Variants in N4BP1 observed in about 807,000 individuals in gnomAD.
N4BP1 encodes the protein NEDD4-binding protein 1.
Under a neutral mutation model 70.9 loss-of-function variants are expected in N4BP1, and 21 were observed. That is an observed-to-expected ratio of 0.30 (90% confidence interval 0.21 to 0.43). The LOEUF is 0.43. N4BP1 is among the 20% of genes least tolerant of loss of function. The pLI, the probability that N4BP1 is intolerant of heterozygous loss-of-function variation, is 1.00. For missense variants in N4BP1, 936 were observed against 1,069.4 expected (o/e 0.88, Z 1.74); for synonymous variants, 387 against 394.6 (o/e 0.98, Z 0.23).
intron 1 of N4BP1, 53 bp downstream of exon 1, chr16:48,609,722 G>A (rs1964648659): frequency 1.6e-6 from 2 of 1,250,118 alleles, no homozygotes; most frequent in Non-Finnish European, 2.0e-6. Flanking sequence ...CGGGAGCCCG[G>A]AGACCCGGAC....
chr16:48,572,180 T>C (rs7198773), intron 1 of N4BP1, among the ~76,000 whole-genome samples: 61,074 of 151,728 alleles, frequency 0.4, 13,206 homozygotes, highest in African/African-American at 0.56. Flanking sequence ...GCCAAGGTGA[T>C]AGGGTGAGAC....
At chr16:48,566,155 C>T (rs1963940825) in intron 1 of N4BP1, among the ~76,000 whole-genome samples, 1 of 151,948 alleles carries the variant, frequency 6.6e-6, no homozygotes, top group African/African-American at 2.4e-5. Context: ...TGGGCTTATT[C>T]TGCTCTTCTT....
In N4BP1 at chr16:48,607,485, C is replaced by T. The variant is rs1356023848; in HGVS notation, c.198+2290G>A. Among the ~76,000 whole-genome samples the T allele has an allele frequency of 5.3e-5, 8 of 152,228 alleles. No individual in the cohort carries two copies. The East Asian group carries it at 1.2e-3, about 22-fold the overall frequency. ...GCTGAATGAGACAGGTGACAGGAGG[C>T]TCTAGTAGGTTCCAGGGCAGGAGAA... On this transcript the variant is annotated intron_variant, in intron 1 of 6. Coordinates refer to ENST00000262384, the MANE Select transcript of N4BP1 (RefSeq NM_153029.4).
At chr16:48,591,612 T>C (rs974434280) in intron 1 of N4BP1, among the ~76,000 whole-genome samples, 2 of 148,608 alleles carry the variant, frequency 1.3e-5, no homozygotes, top group African/African-American at 5.0e-5. Context: ...ATCCAAGCTC[T>C]ATTATTTTAA....
At chr16:48,575,956 GA>G (rs1489005450) in intron 1 of N4BP1, among the ~76,000 whole-genome samples, 1 of 151,974 alleles carries the variant, frequency 6.6e-6, no homozygotes, top group Non-Finnish European at 1.5e-5. Flanking sequence ...CACATGCAAG[GA>G]AACTCAAAAT....
chr16:48,586,615 G>A (rs1033937485), intron 1 of N4BP1, among the ~76,000 whole-genome samples: 1 of 152,172 alleles, frequency 6.6e-6, no homozygotes, highest in Admixed American at 6.5e-5. Context: ...GTATCAGCCA[G>A]TAATTTATCC....
chr16:48,609,855 C>G lies in N4BP1; in HGVS notation c.118G>C (p.Ala40Pro). 1 of 1,490,310 alleles carries G rather than the reference C, an allele frequency of 6.7e-7. No individual in the cohort carries two copies. The highest frequency in any genetic ancestry group is 8.9e-7 in the Non-Finnish European group (1 of 1,124,544). 92.3% of individuals were successfully genotyped at this position (1,490,310 alleles called of 1,614,324 possible). A position where few individuals can be genotyped will look rare whatever the true frequency, so the allele number is the denominator to read the frequency against. ...LFGVSLAVLGALGAEEPLPAR... is the reference protein window; with the variant it reads ...LFGVSLAVLGPLGAEEPLPAR... ...GGCAGCGGCTCCTCAGCCCCTAGCGCGCCGAGCACGGCTAGGCTCACGCCA... is the reference window on the plus strand; with the variant it reads ...GGCAGCGGCTCCTCAGCCCCTAGCGGGCCGAGCACGGCTAGGCTCACGCCA... Residue 40 changes from alanine (A) to proline (P), a missense_variant, in exon 1 of 7, where the codon GCG becomes CCG. Around this residue, in one of 4 missense-constraint regions of N4BP1, gnomAD observed 187 missense variants for 217.1 expected, o/e 0.86. Coordinates refer to ENST00000262384, the MANE Select transcript of N4BP1 (RefSeq NM_153029.4).
intron 1 of N4BP1, chr16:48,603,847 T>C (rs570691251): frequency 6.6e-6 from 1 of 152,518 alleles, no homozygotes; most frequent in Admixed American, 6.5e-5. Flanking sequence ...CCCTTAATCC[T>C]TGCAGCTCAC....
intron 1 of N4BP1, among the ~76,000 whole-genome samples, chr16:48,591,555 A>T (rs1005694415): frequency 5.3e-5 from 8 of 152,080 alleles, no homozygotes; most frequent in African/African-American, 1.9e-4. Flanking sequence ...TTAAAAAAAA[A>T]TTTAAAAAGA....
chr16:48,546,789 G>A (rs1308819114), intron 5 of N4BP1, among the ~76,000 whole-genome samples: 2 of 152,236 alleles, frequency 1.3e-5, no homozygotes, highest in African/African-American at 2.4e-5. Flanking sequence ...AAGTGCCTGT[G>A]CTTGTTGTCC....
intron 1 of N4BP1, among the ~76,000 whole-genome samples, chr16:48,605,388 C>T (rs925000069): frequency 1.3e-5 from 2 of 152,188 alleles, no homozygotes; most frequent in African/African-American, 4.8e-5. Context: ...TCAACCTCAT[C>T]CCTTTCCACC....
chr16:48,596,915 A>G (rs1204474536), intron 1 of N4BP1, among the ~76,000 whole-genome samples: 1 of 152,158 alleles, frequency 6.6e-6, no homozygotes, highest in African/African-American at 2.4e-5. Context: ...AGTAGTTGAG[A>G]TATTTTGCAG....
chr16:48,568,044 C>G (rs770781648), intron 1 of N4BP1, among the ~76,000 whole-genome samples: 1 of 152,204 alleles, frequency 6.6e-6, no homozygotes, highest in Admixed American at 6.5e-5. Context: ...TAATCCTAAA[C>G]TGTTTACCTC....
chr16:48,561,475 T>G lies in N4BP1; in HGVS notation c.1168A>C (p.Arg390=). ...GAAAATTCTCTGTCTTCTTGGAATC[T>G]TTTATTTTCTTTTTCAATTTCCTCT... ...LLEEIEKENK[R]FQEDREFSAG... The change falls in exon 2 of 7, where the codon AGA becomes CGA. Residue 390 remains arginine (R), a synonymous_variant. Coordinates refer to ENST00000262384, the MANE Select transcript of N4BP1 (RefSeq NM_153029.4). 1 of 1,611,522 alleles carries G rather than the reference T, an allele frequency of 6.2e-7. No individual in the cohort carries two copies. Among genetic ancestry groups the G allele is most frequent in the Non-Finnish European group, 8.5e-7 (1 of 1,179,306 alleles).
chr16:48,588,778 G>A (rs777842808), intron 1 of N4BP1, among the ~76,000 whole-genome samples: 30 of 152,156 alleles, frequency 2.0e-4, no homozygotes, highest in Non-Finnish European at 4.1e-4. Flanking sequence ...ACAGCCACAT[G>A]GGGTAGTGGC....
intron 6 of N4BP1, 94 bp downstream of exon 6, chr16:48,546,053 A>T: frequency 1.4e-6 from 1 of 729,342 alleles, no homozygotes; most frequent in Non-Finnish European, 2.2e-6. Context: ...AATTTTTTTA[A>T]TGTCATTTTT....
At chr16:48,553,508 C>T (rs1405485842) in intron 3 of N4BP1, 31 bp downstream of exon 3, 2 of 1,520,466 alleles carry the variant, frequency 1.3e-6, no homozygotes, top group East Asian at 2.3e-5. Context: ...AAACATTTCA[C>T]TAGAAATCTG....
chr16:48,605,379 C>A (rs1964564057), intron 1 of N4BP1, among the ~76,000 whole-genome samples: 1 of 152,170 alleles, frequency 6.6e-6, no homozygotes, highest in Non-Finnish European at 1.5e-5. Flanking sequence ...GAGATCCCCT[C>A]AACCTCATCC....
In N4BP1 at chr16:48,561,519, G is replaced by A. The variant is rs1407110638; in HGVS notation, c.1124C>T (p.Thr375Ile). ...TTCCTCTAAGAGCAATAATGGTTCAGTAGATGGTCCATACACCTTAATGAC... is the reference window on the plus strand; with the variant it reads ...TTCCTCTAAGAGCAATAATGGTTCAATAGATGGTCCATACACCTTAATGAC... ...EKVIKVYGPSTEPLLLLEEIE... is the reference protein window; with the variant it reads ...EKVIKVYGPSIEPLLLLEEIE... Residue 375 changes from threonine to isoleucine, a missense_variant, in exon 2 of 7, where the codon ACT becomes ATT. Physicochemically the swap from Thr to Ile is moderately conservative, Grantham distance 89. Coordinates refer to ENST00000262384, the MANE Select transcript of N4BP1 (RefSeq NM_153029.4). 2 of 1,613,624 alleles carry A rather than the reference G, an allele frequency of 1.2e-6. No individual in the cohort carries two copies.
Sources: allele counts gnomAD v4.1 joint callset (sites outside exome capture counted in the v4.1 genomes callset), GRCh38; gene constraint gnomAD v4.1.1; regional missense constraint gnomAD v4.1.1; transcripts MANE v1.5; gene names NCBI Gene and HGNC (gene_info 2026-07-23, HGNC 2026-07-21).